Variants in NOL4L observed in about 807,000 individuals in gnomAD.
NOL4L encodes the protein nucleolar protein 4-like.
Under a neutral mutation model 64.5 loss-of-function variants are expected in NOL4L, and 7 were observed. That is an observed-to-expected ratio of 0.11 (90% CI 0.06 to 0.20). NOL4L has a LOEUF of 0.20. Ranked by LOEUF, NOL4L falls within the 10% of genes least tolerant of loss-of-function variation. The pLI is 1.00. For synonymous variants in NOL4L, 413 were observed against 401.0 expected, an observed-to-expected ratio of 1.03 and a Z score of -0.36; for missense variants, 680 against 967.1, an observed-to-expected ratio of 0.70 and a Z score of 3.94.
At chr20:32,539,089 T>G (rs2018609688) in intron 1 of NOL4L, among the ~76,000 whole-genome samples, 5 of 152,130 alleles carry the variant, frequency 3.3e-5, no homozygotes. Flanking sequence ...CTCAGTTTCT[T>G]GCCAGCTGCA....
chr20:32,584,095 T>TCCC (rs1194458873), intron 1 of NOL4L, among the ~76,000 whole-genome samples: 7 of 32,432 alleles, frequency 2.2e-4, no homozygotes, highest in East Asian at 2.7e-3. Flanking sequence ...CCTGCCTCCC[T>TCCC]CCCCCCCCCC....
intron 1 of NOL4L, among the ~76,000 whole-genome samples, chr20:32,572,835 C>T (rs1979836329): frequency 6.6e-6 from 1 of 151,838 alleles, no homozygotes; most frequent in Non-Finnish European, 1.5e-5. Context: ...TCCCTTCTAC[C>T]TCTGCCCACT....
At chr20:32,497,768 G>A (rs923378702) in intron 4 of NOL4L, among the ~76,000 whole-genome samples, 6 of 152,164 alleles carry the variant, frequency 3.9e-5, no homozygotes, top group South Asian at 2.1e-4. Context: ...GAAACAGACC[G>A]GAGTCAGCTC....
chr20:32,470,617 A>G lies in NOL4L; in HGVS notation c.841+3984T>C, dbSNP rs1038381137. Among the ~76,000 whole-genome samples the G allele has an allele frequency of 2.6e-5, 4 of 152,102 alleles. No individual in the cohort carries two copies. The East Asian group carries it at 7.7e-4, about 29-fold the overall frequency. On this transcript the variant is annotated intron_variant, in intron 5 of 10. Transcript: ENST00000621426. Reference sequence around the variant, plus strand: ...AGTCTCTCAGGCATCCTCCCTCCACACCCTATGATGTGCACAGAGCCCTGT... The same window carrying G: ...AGTCTCTCAGGCATCCTCCCTCCACGCCCTATGATGTGCACAGAGCCCTGT...
At chr20:32,543,059 G>A (rs2018680487) in intron 1 of NOL4L, among the ~76,000 whole-genome samples, 1 of 152,124 alleles carries the variant, frequency 6.6e-6, no homozygotes, top group Non-Finnish European at 1.5e-5. Flanking sequence ...TCATTACCAT[G>A]TCGAGTGTGG....
intron 4 of NOL4L, among the ~76,000 whole-genome samples, chr20:32,485,071 A>AAAAAAAAAAAAAAAAAAAAAAC (rs1568643062): frequency 2.7e-5 from 4 of 146,434 alleles, no homozygotes; most frequent in Non-Finnish European, 6.0e-5. Flanking sequence ...AAAAAAAAAA[A>AAAAAAAAAAAAAAAAAAAAAAC]AAAAAAAAAA....
intron 1 of NOL4L, among the ~76,000 whole-genome samples, chr20:32,580,696 C>A (rs959871244): frequency 6.6e-6 from 1 of 152,194 alleles, no homozygotes; most frequent in African/African-American, 2.4e-5. Context: ...CACAGAGAAC[C>A]CTGTTCCAGT....
chr20:32,536,807 G>C (rs1470332684), intron 1 of NOL4L, among the ~76,000 whole-genome samples: 1 of 119,432 alleles, frequency 8.4e-6, no homozygotes, highest in South Asian at 3.4e-4. Context: ...AGTGGGGGGG[G>C]GGGGGCGCAC....
At chr20:32,528,025 T>C (rs1286482184) in intron 1 of NOL4L, 112 bp from the exon 2 acceptor site, 2 of 776,288 alleles carry the variant, frequency 2.6e-6, no homozygotes, top group Non-Finnish European at 3.7e-6. Flanking sequence ...ACAGTGGGTC[T>C]TGGGGTGGGG....
intron 1 of NOL4L, among the ~76,000 whole-genome samples, chr20:32,562,316 G>C (rs1979076652): frequency 6.6e-6 from 1 of 152,192 alleles, no homozygotes; most frequent in African/African-American, 2.4e-5. Context: ...CCGATTAGCA[G>C]TGCTGAACGC....
chr20:32,478,119 T>TGTCACCGCACCATGG (rs2015504849), intron 4 of NOL4L, among the ~76,000 whole-genome samples: 2 of 152,126 alleles, frequency 1.3e-5, no homozygotes, highest in Admixed American at 1.3e-4. Context: ...TGCATCACAC[T>TGTCACCGCACCATGG]GTCACCGCAC....
At chr20:32,515,136 G>T (rs544648811) in intron 3 of NOL4L, among the ~76,000 whole-genome samples, 1 of 152,154 alleles carries the variant, frequency 6.6e-6, no homozygotes, top group African/African-American at 2.4e-5. Context: ...CTTGGGAGGC[G>T]TGAGAAGAGG....
chr20:32,578,673 A>G (rs1211533103), intron 1 of NOL4L, among the ~76,000 whole-genome samples: 3 of 152,232 alleles, frequency 2.0e-5, no homozygotes, highest in Non-Finnish European at 1.5e-5. Context: ...AAATGACAGC[A>G]GAGCCTTTTC....
chr20:32,575,244 C>T (rs1443420888), intron 1 of NOL4L, among the ~76,000 whole-genome samples: 7 of 152,178 alleles, frequency 4.6e-5, no homozygotes, highest in African/African-American at 1.7e-4. Context: ...CTTGCCAGCT[C>T]ACCCCTTCAG....
chr20:32,452,872 G>A lies in NOL4L; in HGVS notation c.1620+12C>T, dbSNP rs755639817. ...CAGGAGCGGCCCCTGTAGTGGCTGCGGTGGCAGGTACCTGTGAGGACTGGT... is the reference window on the plus strand; with the variant it reads ...CAGGAGCGGCCCCTGTAGTGGCTGCAGTGGCAGGTACCTGTGAGGACTGGT... On this transcript the variant is annotated intron_variant, in intron 9 of 10. Coordinates refer to ENST00000621426, the MANE Select transcript of NOL4L (RefSeq NM_001256798.2). 1.9e-5 allele frequency: 30 copies of A among 1,613,384 alleles called. No individual in the cohort carries two copies. The highest frequency in any genetic ancestry group is 1.2e-4 in the African/African-American group (9 of 74,938).
intron 1 of NOL4L, among the ~76,000 whole-genome samples, chr20:32,564,120 G>A (rs901271185): frequency 7.2e-5 from 11 of 152,300 alleles, no homozygotes; most frequent in Non-Finnish European, 1.5e-4. Context: ...CCACCACGGC[G>A]GGCCCCAGGA....
intron 1 of NOL4L, chr20:32,535,714 T>C: frequency 4.1e-6 from 4 of 985,418 alleles, no homozygotes; most frequent in Non-Finnish European, 4.8e-6. Context: ...CTTTTTTCTC[T>C]TTCTTTTGGG....
At position 32,584,579 on chromosome 20, in the gene NOL4L, C is replaced by CT; in HGVS notation, c.311dup (p.Thr105AspfsTer27). On this transcript the variant is annotated frameshift_variant, in exon 1 of 11. Transcript: ENST00000621426. LOFTEE classifies it high-confidence loss of function. ...CCGCGCGCGCACTCACCGAGCCCGTCTTGACCGGCACATACACCACTTGGC... is the reference window on the plus strand; with the variant it reads ...CCGCGCGCGCACTCACCGAGCCCGTCTTTGACCGGCACATACACCACTTGGC... The CT allele has an allele frequency of 6.9e-7, 1 of 1,455,462 alleles. No homozygotes were observed. The highest frequency in any genetic ancestry group is 9.2e-7 in the Non-Finnish European group (1 of 1,091,818). The allele number at this position is 1,455,462 out of a possible 1,614,324, so 90.2% of individuals were successfully genotyped here. A position where few individuals can be genotyped will look rare whatever the true frequency, so the allele number is the denominator to read the frequency against.
chr20:32,580,781 T>C (rs2145627604), intron 1 of NOL4L, among the ~76,000 whole-genome samples: 1 of 152,324 alleles, frequency 6.6e-6, no homozygotes, highest in Non-Finnish European at 1.5e-5. Context: ...ACAGTTGGGC[T>C]GAGAACCTCT....
Sources: gnomAD v4.1 joint callset for allele counts (sites outside exome capture counted in the v4.1 genomes callset) on GRCh38, gnomAD v4.1.1 for gene constraint, MANE v1.5 for transcripts, NCBI Gene and HGNC (gene_info 2026-07-23, HGNC 2026-07-21) for gene names.